SYT14: variants seen among roughly 807,000 people sequenced by gnomAD.
The protein encoded by SYT14 is synaptotagmin-14.
SYT14 carries 32 observed loss-of-function variants against 74.2 expected under a neutral mutation model. That is an observed-to-expected ratio of 0.43 (90% CI 0.33 to 0.58). SYT14 has a LOEUF of 0.58. Among genes scored for constraint, SYT14 ranks in the 20% least tolerant of loss-of-function variants. The pLI is 0.05. For synonymous variants in SYT14, 298 were observed against 337.7 expected, an observed-to-expected ratio of 0.88 and a Z score of 1.29; for missense variants, 791 against 981.8, an observed-to-expected ratio of 0.81 and a Z score of 2.60.
At chr1:210,116,371 ACT>A (rs976483356) in intron 7 of SYT14, among the ~76,000 whole-genome samples, 1 of 152,054 alleles carries the variant, frequency 6.6e-6, no homozygotes, top group African/African-American at 2.4e-5. Context: ...ATAGAGTCTC[ACT>A]CTGTTTCCAC....
exon 10 of SYT14, chr1:210,162,693 G>A (rs1280392139): frequency 2.2e-6 from 1 of 450,328 alleles, no homozygotes; most frequent in Non-Finnish European, 4.4e-6. Context: ...ACAAAACAAT[G>A]CGTAGATATT....
intron 5 of SYT14, among the ~76,000 whole-genome samples, chr1:210,079,814 A>G (rs1024633918): frequency 2.1e-4 from 32 of 152,330 alleles, no homozygotes; most frequent in African/African-American, 6.0e-4. Flanking sequence ...TGAGGCTGCA[A>G]TGCAAGGAGG....
At chr1:210,142,767 AT>A (rs61634869) in intron 7 of SYT14, among the ~76,000 whole-genome samples, 9,506 of 152,126 alleles carry the variant, frequency 0.062, 462 homozygotes, top group Non-Finnish European at 0.09. Context: ...TTCCTCCCCC[AT>A]TTCCCACTGT....
chr1:209,988,218 T>C (rs2079604282), intron 2 of SYT14, among the ~76,000 whole-genome samples: 1 of 152,222 alleles, frequency 6.6e-6, no homozygotes, highest in Non-Finnish European at 1.5e-5. Context: ...TAATATCTGA[T>C]GTGCTGTCAG....
chr1:210,130,873 T>C (rs2082659140), intron 7 of SYT14, among the ~76,000 whole-genome samples: 1 of 152,220 alleles, frequency 6.6e-6, no homozygotes, highest in South Asian at 2.1e-4. Context: ...TACTTCTGTA[T>C]TCCTATTTTA....
At chr1:210,139,733 A>ATG (rs1234344540) in intron 7 of SYT14, among the ~76,000 whole-genome samples, 1 of 152,164 alleles carries the variant, frequency 6.6e-6, no homozygotes, top group Non-Finnish European at 1.5e-5. Flanking sequence ...ATCATACAAT[A>ATG]TGTGGCCTTT....
chr1:210,149,221 G>A (rs1192270964), intron 7 of SYT14, among the ~76,000 whole-genome samples: 2 of 120,156 alleles, frequency 1.7e-5, no homozygotes, highest in East Asian at 5.0e-4. Context: ...GTCTCACTCT[G>A]TCACCCAGGC....
rs1293761351 is a variant in SYT14 at position 210,099,999 on chromosome 1, T to G, written c.1585-13T>G. The stretch of plus-strand genomic sequence containing the variant: ...GAGTTAAAAACTCTAACATTTAAAT[T>G]TTCTTTTCTTAGGATATGTCAGCTC... On this transcript the variant is annotated splice_polypyrimidine_tract_variant and intron_variant, in intron 6 of 9. Transcript: ENST00000637265. 1.9e-6 allele frequency: 3 copies of G among 1,612,004 alleles called. No individual in the cohort carries two copies. The highest frequency in any genetic ancestry group is 2.5e-6 in the Non-Finnish European group (3 of 1,178,904).
At position 210,095,645 on chromosome 1, in the gene SYT14, A is replaced by G. The variant is rs560960096; in HGVS notation, c.1584+1052A>G. Among the ~76,000 whole-genome samples, 178 of 152,298 alleles carry G rather than the reference A, an allele frequency of 1.2e-3. 1 individual carries two copies. Among genetic ancestry groups the G allele is most frequent in the South Asian group, 4.1e-3 (20 of 4,826 alleles). On this transcript the variant is annotated intron_variant, in intron 6 of 9. Transcript: ENST00000637265. ...ATATGTCCGTATTCTTACCAGATGAATTTTCAGATCTGCTGCCAAAATTAA... is the reference window on the plus strand; with the variant it reads ...ATATGTCCGTATTCTTACCAGATGAGTTTTCAGATCTGCTGCCAAAATTAA...
intron 5 of SYT14, among the ~76,000 whole-genome samples, chr1:210,024,639 A>C (rs2080371458): frequency 6.6e-6 from 1 of 152,162 alleles, no homozygotes. Flanking sequence ...GTAATCATGA[A>C]TGCGTTTCAG....
chr1:210,163,347 G>A, exon 10 of SYT14: 1 of 453,594 alleles, frequency 2.2e-6, no homozygotes, highest in Non-Finnish European at 4.4e-6. Flanking sequence ...AATCCTTCAT[G>A]GCTTAAAAAT....
intron 5 of SYT14, among the ~76,000 whole-genome samples, chr1:210,080,556 T>C (rs559214604): frequency 6.6e-6 from 1 of 152,256 alleles, no homozygotes; most frequent in East Asian, 1.9e-4. Flanking sequence ...CATGGTTGGG[T>C]CACATTGAAT....
At chr1:210,077,879 G>A (rs1397924321) in intron 5 of SYT14, among the ~76,000 whole-genome samples, 1 of 152,082 alleles carries the variant, frequency 6.6e-6, no homozygotes, top group African/African-American at 2.4e-5. Context: ...GATGCAGAAT[G>A]GTGCCACAAA....
At chr1:210,052,986 T>C (rs990911219) in intron 5 of SYT14, among the ~76,000 whole-genome samples, 1 of 152,162 alleles carries the variant, frequency 6.6e-6, no homozygotes, top group African/African-American at 2.4e-5. Flanking sequence ...AGTATTACAA[T>C]TTTATACAAT....
chr1:209,962,268 T>TA (rs1297749001), intron 2 of SYT14, among the ~76,000 whole-genome samples: 3 of 151,640 alleles, frequency 2.0e-5, no homozygotes, highest in African/African-American at 7.3e-5. Context: ...GATATCTTTT[T>TA]TTTATATATA....
chr1:210,120,470 G>A (rs191704485), intron 7 of SYT14, among the ~76,000 whole-genome samples: 15 of 151,198 alleles, frequency 9.9e-5, no homozygotes, highest in African/African-American at 2.4e-4. Context: ...TCAGCCTCCC[G>A]AGAAGCTACT....
chr1:209,997,946 G>T (rs933100106), intron 2 of SYT14, among the ~76,000 whole-genome samples: 13 of 152,046 alleles, frequency 8.6e-5, no homozygotes, highest in African/African-American at 3.1e-4. Context: ...TATTCTTGAA[G>T]ATTTATAATG....
At chr1:210,030,380 C>G (rs2080505002) in intron 5 of SYT14, among the ~76,000 whole-genome samples, 1 of 152,080 alleles carries the variant, frequency 6.6e-6, no homozygotes, top group Non-Finnish European at 1.5e-5. Flanking sequence ...TCTTTAACTC[C>G]TGACCTTAAG....
At chr1:209,945,020 T>C (rs1360882768) in intron 1 of SYT14, among the ~76,000 whole-genome samples, 1 of 152,142 alleles carries the variant, frequency 6.6e-6, no homozygotes, top group Non-Finnish European at 1.5e-5. Flanking sequence ...TGAATAGCAC[T>C]GCTTCTCCCT....
Sources: gnomAD v4.1 joint callset for allele counts (sites outside exome capture counted in the v4.1 genomes callset) on GRCh38, gnomAD v4.1.1 for gene constraint, MANE v1.5 for transcripts, NCBI Gene and HGNC (gene_info 2026-07-23, HGNC 2026-07-21) for gene names.